The following SND1 variants were observed in gnomAD, a reference collection of about 807,000 sequenced individuals.
SND1 encodes the protein staphylococcal nuclease and tudor domain containing 1.
SND1 carries 38 observed loss-of-function variants against 121.7 expected under a neutral mutation model. The observed-to-expected ratio is 0.31, with a 90% CI of 0.24 to 0.41. The LOEUF is 0.41. Ranked by LOEUF, SND1 falls within the 10% of genes least tolerant of loss-of-function variation. The pLI is 1.00. For synonymous variants in SND1, 401 were observed against 447.4 expected, an observed-to-expected ratio of 0.90 and a Z score of 1.31; for missense variants, 868 against 1,184.6, an observed-to-expected ratio of 0.73 and a Z score of 3.92.
At chr7:127,781,864 CCCAGTAATCGTT>C in intron 10 of SND1, among the ~76,000 whole-genome samples, 1 of 152,258 alleles carries the variant, frequency 6.6e-6, no homozygotes, top group East Asian at 1.9e-4. Context: ...CTGGATTATT[CCCAGTAATCGTT>C]TCATAGAGGG....
chr7:127,855,442 A>C (rs1287071550), intron 12 of SND1, among the ~76,000 whole-genome samples: 1 of 152,022 alleles, frequency 6.6e-6, no homozygotes, highest in Non-Finnish European at 1.5e-5. Context: ...GTTTGGAAGT[A>C]AATAGGTCTG....
At chr7:127,702,799 G>A (rs1305305533) in intron 6 of SND1, among the ~76,000 whole-genome samples, 2 of 152,174 alleles carry the variant, frequency 1.3e-5, no homozygotes, top group African/African-American at 2.4e-5. Flanking sequence ...GAGAGGCTAT[G>A]AAGTTTGCTG....
chr7:127,749,043 G>GGT (rs1491364212), intron 10 of SND1, among the ~76,000 whole-genome samples: 1 of 116,514 alleles, frequency 8.6e-6, no homozygotes, highest in African/African-American at 3.3e-5. Context: ...TTTTTCTTTC[G>GGT]TTTTTTTTTT....
intron 15 of SND1, among the ~76,000 whole-genome samples, chr7:127,935,433 T>TA (rs1289070781): frequency 5.3e-5 from 8 of 152,120 alleles, no homozygotes; most frequent in Admixed American, 3.3e-4. Context: ...AATGAGGTTA[T>TA]AAAAAAAGAT....
In SND1 at chr7:128,029,309, A is replaced by T; in HGVS notation, c.1779+38253A>T. On this transcript the variant is annotated intron_variant, in intron 16 of 23. Transcript: ENST00000354725. This position sits in a 1 kb window ranked among gnomAD's most constrained non-coding sequence, Gnocchi z 4.2. ...AGCTGTAGTTGGAGGTGTTAAGCTC[A>T]GCCGTGCTCACATTGAGGTAGGCCG... 6.2e-7 allele frequency: 1 copy of T among 1,614,212 alleles called. No individual in the cohort carries two copies. The highest frequency in any genetic ancestry group is 8.5e-7 in the Non-Finnish European group (1 of 1,180,048).
intron 10 of SND1, among the ~76,000 whole-genome samples, chr7:127,765,228 G>A (rs1476127945): frequency 6.6e-6 from 1 of 152,162 alleles, no homozygotes; most frequent in Non-Finnish European, 1.5e-5. Flanking sequence ...CTCAGAGGTC[G>A]AGGAATTGCC....
At chr7:127,763,933 T>C (rs945429313) in intron 10 of SND1, among the ~76,000 whole-genome samples, 3 of 150,956 alleles carry the variant, frequency 2.0e-5, no homozygotes, top group African/African-American at 7.3e-5. Context: ...CTGGATGTGA[T>C]GGTGCATGCT....
intron 10 of SND1, among the ~76,000 whole-genome samples, chr7:127,774,091 G>A (rs891757919): frequency 6.6e-6 from 1 of 152,092 alleles, no homozygotes; most frequent in African/African-American, 2.4e-5. Context: ...TTTTTGAAAA[G>A]TTAACTATAA....
chr7:128,003,508 CA>C (rs2116936276), intron 16 of SND1, among the ~76,000 whole-genome samples: 1 of 152,286 alleles, frequency 6.6e-6, no homozygotes, highest in Admixed American at 6.5e-5. Context: ...GAAGATCATG[CA>C]AATAAGACCA....
At chr7:128,000,785 A>T (rs1187930665) in intron 16 of SND1, among the ~76,000 whole-genome samples, 1 of 152,178 alleles carries the variant, frequency 6.6e-6, no homozygotes, top group Admixed American at 6.5e-5. Flanking sequence ...GGAATTACAT[A>T]ATTCAACTCA....
intron 15 of SND1, among the ~76,000 whole-genome samples, chr7:127,936,633 G>T (rs1261313003): frequency 6.6e-6 from 1 of 151,664 alleles, no homozygotes; most frequent in Non-Finnish European, 1.5e-5. Context: ...CTGTAATCTC[G>T]AACTCCTGGG....
intron 10 of SND1, among the ~76,000 whole-genome samples, chr7:127,759,278 G>A (rs939687971): frequency 2.0e-5 from 3 of 152,094 alleles, no homozygotes; most frequent in Non-Finnish European, 2.9e-5. Flanking sequence ...TCATGGTGAG[G>A]TGCCTTGAAA....
intron 11 of SND1, among the ~76,000 whole-genome samples, chr7:127,809,944 G>A (rs1325579337): frequency 6.6e-6 from 1 of 152,124 alleles, no homozygotes; most frequent in Non-Finnish European, 1.5e-5. Flanking sequence ...TTTGTGAACC[G>A]GGACTATTAC....
intron 10 of SND1, among the ~76,000 whole-genome samples, chr7:127,790,332 G>A (rs1366296806): frequency 1.3e-5 from 2 of 152,154 alleles, no homozygotes; most frequent in African/African-American, 2.4e-5. Context: ...CCTTAAACAC[G>A]ATCAGCTCTT....
intron 10 of SND1, among the ~76,000 whole-genome samples, chr7:127,745,660 G>A (rs1216434507): frequency 6.6e-6 from 1 of 152,198 alleles, no homozygotes; most frequent in Non-Finnish European, 1.5e-5. Context: ...ATGACTTTGT[G>A]TGAGGTTATG....
chr7:127,820,829 G>A (rs989696523), intron 11 of SND1, among the ~76,000 whole-genome samples: 2 of 152,102 alleles, frequency 1.3e-5, no homozygotes, highest in Non-Finnish European at 2.9e-5. Context: ...CTGCCTTTAT[G>A]TCTGACTTGG....
At chr7:127,957,040 G>A (rs892561167) in intron 15 of SND1, among the ~76,000 whole-genome samples, 1 of 152,200 alleles carries the variant, frequency 6.6e-6, no homozygotes, top group Non-Finnish European at 1.5e-5. Context: ...GAGGCCGTCT[G>A]AGAAACCTAG....
chr7:128,047,921 C>T (rs561036910), intron 16 of SND1, among the ~76,000 whole-genome samples: 73 of 149,108 alleles, frequency 4.9e-4, no homozygotes, highest in Non-Finnish European at 9.4e-4. Context: ...GATCTCGGCT[C>T]ACTGCAACCT....
At chr7:128,088,065 A>C (rs1793714155) in intron 21 of SND1, among the ~76,000 whole-genome samples, 1 of 152,070 alleles carries the variant, frequency 6.6e-6, no homozygotes, top group Non-Finnish European at 1.5e-5. Context: ...AAGCAAATTT[A>C]CTCTTTACCT....
Sources: gnomAD v4.1 joint callset for allele counts (sites outside exome capture counted in the v4.1 genomes callset) on GRCh38, gnomAD v4.1.1 for gene constraint, Gnocchi (gnomAD v3.1) non-coding constraint, MANE v1.5 for transcripts, NCBI Gene and HGNC (gene_info 2026-07-23, HGNC 2026-07-21) for gene names.